The following TAF1 variants were observed in gnomAD, a reference collection of about 807,000 sequenced individuals.
The protein encoded by TAF1 is transcription initiation factor TFIID subunit 1.
A neutral mutation model predicts 138.5 loss-of-function variants in TAF1; 2 were observed. The ratio of observed to expected loss-of-function variants is 0.01; its 90% CI spans 0.01 to 0.05. TAF1 has a LOEUF of 0.05. TAF1 is among the 10% of genes least tolerant of loss of function. The pLI, the probability that TAF1 is intolerant of heterozygous loss-of-function variation, is 1.00. For missense variants in TAF1, 709 were observed against 1,478.0 expected (o/e 0.48, Z 8.53); for synonymous variants, 437 against 503.2 (o/e 0.87, Z 1.76).
Position 71,383,982 on chromosome X carries a change from A to G in TAF1, c.1968A>G (p.Gln656=), listed in dbSNP as rs2034056183. The part of the protein sequence containing the change: ...KKAKMREQER[Q]ASGGGEMFFM... ...GACAGATGAGAGAACAAGAGAGGCA[A>G]GCTTCAGGTGGTGGAGAGATGTTTT... Residue 656 remains glutamine, a synonymous_variant, in exon 13 of 38, where the codon CAA becomes CAG. Coordinates refer to ENST00000423759, the MANE Select transcript of TAF1 (RefSeq NM_004606.5). The G allele has an allele frequency of 6.6e-6, 8 of 1,211,184 alleles. No homozygotes were observed. The highest frequency in any genetic ancestry group is 3.5e-5 in the South Asian group (2 of 56,843).
chrX:71,520,241 T>G lies in TAF1; in HGVS notation c.1367-8301T>G, dbSNP rs377575890. The stretch of plus-strand genomic sequence containing the variant: ...TCACTGCAAGCTCTGCTTCCTGGGT[T>G]CACGCCATTATCCTGCCTCAGCCTC... On this transcript the variant is annotated intron_variant and NMD_transcript_variant, in intron 13 of 14. Transcript: ENST00000373775. 7.5e-5 allele frequency among the ~76,000 whole-genome samples: 8 copies of G among 106,803 alleles called. 1 individual carries two copies. The South Asian group carries it at 3.3e-3, about 45-fold the overall frequency. The allele number at this position is 106,803 out of a possible 115,157, so 92.7% of individuals were successfully genotyped here.
At chrX:71,430,385 CAAA>C (rs746183306) in intron 32 of TAF1, among the ~76,000 whole-genome samples, 2 of 35,118 alleles carry the variant, frequency 5.7e-5, no homozygotes, top group Admixed American at 6.8e-4. Flanking sequence ...CTCCGTCTCA[CAAA>C]AAAAAAAAAA....
intron 13 of TAF1, among the ~76,000 whole-genome samples, chrX:71,473,101 G>A (rs2038919031): frequency 2.7e-5 from 3 of 111,989 alleles, no homozygotes; most frequent in African/African-American, 9.7e-5. Flanking sequence ...TGAAGAATGA[G>A]ATACAGCATT....
intron 29 of TAF1, 133 bp downstream of exon 29, chrX:71,421,509 C>A: frequency 1.9e-6 from 1 of 521,438 alleles, no homozygotes; most frequent in Non-Finnish European, 3.1e-6. Flanking sequence ...TATGTGAAGG[C>A]TGGAAGGGAC....
chrX:71,426,307 C>T (rs2036587618), intron 32 of TAF1, among the ~76,000 whole-genome samples: 1 of 111,051 alleles, frequency 9.0e-6, no homozygotes, highest in South Asian at 3.8e-4. Context: ...TTTTCTTAAG[C>T]TGAGTTCTGA....
chrX:71,432,035 G>A (rs1427255688), intron 32 of TAF1, among the ~76,000 whole-genome samples: 3 of 111,595 alleles, frequency 2.7e-5, no homozygotes, highest in African/African-American at 9.8e-5. Context: ...CAACAGGTCA[G>A]GTGTTAGAGA....
At chrX:71,485,550 G>A (rs2039155220) in intron 13 of TAF1, among the ~76,000 whole-genome samples, 1 of 111,804 alleles carries the variant, frequency 8.9e-6, no homozygotes, top group African/African-American at 3.3e-5. Context: ...CCTAATGAGT[G>A]TGAAGTGGCA....
At chrX:71,374,935 A>C (rs1257424651) in intron 3 of TAF1, among the ~76,000 whole-genome samples, 1 of 109,273 alleles carries the variant, frequency 9.2e-6, no homozygotes, top group East Asian at 2.9e-4. Flanking sequence ...AAATACAAAA[A>C]TTAGCTGGGC....
At chrX:71,417,191 G>A (rs1178410070) in intron 28 of TAF1, among the ~76,000 whole-genome samples, 1 of 109,192 alleles carries the variant, frequency 9.2e-6, no homozygotes, top group Non-Finnish European at 1.9e-5. Flanking sequence ...GGAACTAGTG[G>A]CTTCATAAGA....
chrX:71,401,333 C>T (rs1482717151), intron 24 of TAF1, among the ~76,000 whole-genome samples, 195 bp from the exon 25 acceptor site: 10 of 111,137 alleles, frequency 9.0e-5, no homozygotes, highest in African/African-American at 2.3e-4. Flanking sequence ...GATCGTGGTA[C>T]GTGGAGCCTG....
chrX:71,444,169 G>A (rs1432048619), intron 32 of TAF1, among the ~76,000 whole-genome samples: 2 of 108,912 alleles, frequency 1.8e-5, no homozygotes, highest in Non-Finnish European at 3.8e-5. Context: ...TATTACGCCT[G>A]GCTAATTTTT....
Position 71,514,346 on chromosome X carries a change from A to C in TAF1, c.1367-14196A>C, listed in dbSNP as rs139367752. Reference sequence around the variant, plus strand: ...AGAAAAGCAAACAAACAAACAAACAAACAAAACAAAAACCATTGAGAGGGG... The same window carrying C: ...AGAAAAGCAAACAAACAAACAAACACACAAAACAAAAACCATTGAGAGGGG... On this transcript the variant is annotated intron_variant and NMD_transcript_variant, in intron 13 of 14. Transcript: ENST00000373775. Among the ~76,000 whole-genome samples, 880 of 109,349 alleles carry C rather than the reference A, an allele frequency of 8.0e-3. 8 individuals are homozygous for C. Among genetic ancestry groups the C allele is most frequent in the African/African-American group, 0.027 (812 of 29,939 alleles). 95.0% of individuals were successfully genotyped at this position (109,349 alleles called of 115,157 possible).
At chrX:71,437,921 C>T (rs929977996) in intron 32 of TAF1, among the ~76,000 whole-genome samples, 2 of 106,129 alleles carry the variant, frequency 1.9e-5, no homozygotes, top group Non-Finnish European at 3.9e-5. Context: ...CTGCAACCTC[C>T]GCTTCCTGGA....
intron 13 of TAF1, among the ~76,000 whole-genome samples, chrX:71,483,780 C>CTCTCTATATA (rs1164519184): frequency 1.6e-4 from 6 of 37,577 alleles, no homozygotes; most frequent in East Asian, 2.0e-3. Flanking sequence ...CTCTCTCTCT[C>CTCTCTATATA]TATATATATA....
chrX:71,388,593 T>A, intron 16 of TAF1, 145 bp from the exon 17 acceptor site: 1 of 944,508 alleles, frequency 1.1e-6, no homozygotes, highest in Non-Finnish European at 1.5e-6. Context: ...GTAGGAAACT[T>A]AGCAGCTGGG....
downstream of TAF1, among the ~76,000 whole-genome samples, chrX:71,467,917 C>T (rs759430718): frequency 2.7e-5 from 3 of 111,697 alleles, no homozygotes; most frequent in Admixed American, 9.6e-5. Context: ...GAGTGTAACT[C>T]AGTACAACTT....
At position 71,383,086 on chromosome X, in the gene TAF1, G is replaced by A; in HGVS notation, c.1869G>A (p.Lys623=). 1 of 1,211,132 alleles carries A rather than the reference G, an allele frequency of 8.3e-7. No homozygotes were observed. The highest frequency in any genetic ancestry group is 1.8e-5 in the South Asian group (1 of 56,969). ...LRQFHRPPLK[K]YSFGALSQPG... ...AGTTCCATCGCCCACCTCTGAAAAA[G>A]TACTCATTTGGTGCACTTTCTCAGC... The change falls in exon 12 of 38, where the codon AAG becomes AAA. Residue 623 remains lysine (K), a synonymous_variant. Coordinates refer to ENST00000423759, the MANE Select transcript of TAF1 (RefSeq NM_004606.5).
intron 24 of TAF1, among the ~76,000 whole-genome samples, chrX:71,400,134 G>T (rs1398340708): frequency 9.1e-6 from 1 of 109,546 alleles, no homozygotes; most frequent in African/African-American, 3.3e-5. Context: ...TAATCGCTCA[G>T]GCTGGAGTGC....
intron 18 of TAF1, among the ~76,000 whole-genome samples, chrX:71,391,035 T>C (rs2034532583): frequency 9.0e-6 from 1 of 110,522 alleles, no homozygotes; most frequent in South Asian, 3.8e-4. Flanking sequence ...TCTTACTGTG[T>C]TGCCCAGGCT....
Sources: gnomAD v4.1 joint callset for allele counts (sites outside exome capture counted in the v4.1 genomes callset) on GRCh38, gnomAD v4.1.1 for gene constraint, MANE v1.5 for transcripts, NCBI Gene and HGNC (gene_info 2026-07-23, HGNC 2026-07-21) for gene names.